The following GREM2 variants were observed in gnomAD, a reference collection of about 807,000 sequenced individuals.
GREM2 encodes gremlin-2.
GREM2 carries 11 observed loss-of-function variants against 14.2 expected under a neutral mutation model. The observed-to-expected ratio is 0.78, with a 90% CI of 0.49 to 1.28. The LOEUF (loss-of-function observed/expected upper bound fraction) is 1.28, where lower values mean the gene tolerates loss of function less well. Among genes scored for constraint, GREM2 ranks in the 50% most tolerant of loss-of-function variants. GREM2 has a pLI of 0.00. For missense variants in GREM2, 210 were observed against 218.5 expected, an observed-to-expected ratio of 0.96 and a Z score of 0.24; for synonymous variants, 98 against 97.6, an observed-to-expected ratio of 1.00 and a Z score of -0.02.
At position 240,512,532 on chromosome 1, in the gene GREM2, T is replaced by C. The variant is rs1677857256; in HGVS notation, c.-1-19056A>G. ...ACACATGAGCTTTCTGTCGCAGAAC[T>C]TATAAGCAGAGGACTTTATTGAAAA... On this transcript the variant is annotated intron_variant, in intron 1 of 1. Coordinates refer to ENST00000318160, the MANE Select transcript of GREM2 (RefSeq NM_022469.4). 9.8e-5 allele frequency among the ~76,000 whole-genome samples: 3 copies of C among 30,630 alleles called. No homozygotes were observed. In the South Asian group the frequency reaches 2.5e-3, roughly 25 times the overall value. 20.1% of individuals were successfully genotyped at this position (30,630 alleles called of 152,430 possible). A position where few individuals can be genotyped will look rare whatever the true frequency, so the allele number is the denominator to read the frequency against.
intron 1 of GREM2, among the ~76,000 whole-genome samples, chr1:240,561,562 T>A (rs1572399334): frequency 6.6e-6 from 1 of 152,272 alleles, no homozygotes; most frequent in East Asian, 1.9e-4. Context: ...CTTTTAAGAA[T>A]AATAAAATTA....
intron 1 of GREM2, among the ~76,000 whole-genome samples, chr1:240,525,976 G>A (rs540284961): frequency 7.5e-4 from 114 of 152,250 alleles, no homozygotes; most frequent in Admixed American, 2.2e-3. Flanking sequence ...AGCCAGCAAC[G>A]TTGCATTTCT....
At chr1:240,528,083 G>T (rs1204815693) in intron 1 of GREM2, among the ~76,000 whole-genome samples, 2 of 152,154 alleles carry the variant, frequency 1.3e-5, no homozygotes, top group Non-Finnish European at 2.9e-5. Context: ...GCACTGTGCT[G>T]ACATCTTGAC....
Position 240,492,021 on chromosome 1 carries a change from T to C in GREM2, c.*948A>G, listed in dbSNP as rs1677263829. On this transcript the variant is annotated 3_prime_UTR_variant, in exon 2 of 2. Coordinates refer to ENST00000318160, the MANE Select transcript of GREM2 (RefSeq NM_022469.4). ...GAATTGCTGACCAGGCATTTTTTTT[T>C]CTGAGTAAGACACCTTCTGGGCCTG... 1 of 181,542 alleles carries C rather than the reference T, an allele frequency of 5.5e-6. No homozygotes were observed. Among genetic ancestry groups the C allele is most frequent in the Admixed American group, 5.5e-5 (1 of 18,030 alleles). 11.2% of individuals were successfully genotyped at this position (181,542 alleles called of 1,614,324 possible).
chr1:240,527,612 GA>G (rs1678252860), intron 1 of GREM2, among the ~76,000 whole-genome samples: 1 of 152,182 alleles, frequency 6.6e-6, no homozygotes, highest in Non-Finnish European at 1.5e-5. Flanking sequence ...AGGTGAGACA[GA>G]AAAGGAAGAA....
chr1:240,587,901 C>T lies in GREM2; in HGVS notation c.-2+23983G>A, dbSNP rs558619859. Among the ~76,000 whole-genome samples, 9 of 152,260 alleles carry T rather than the reference C, an allele frequency of 5.9e-5. No individual in the cohort carries two copies. The South Asian group carries it at 1.9e-3, about 32-fold the overall frequency. ...CCTGTTAGGGCAGATGTTTTCTGAACTCTGCCCTATTCCCTCCAGTCCCTT... is the reference window on the plus strand; with the variant it reads ...CCTGTTAGGGCAGATGTTTTCTGAATTCTGCCCTATTCCCTCCAGTCCCTT... On this transcript the variant is annotated intron_variant, in intron 1 of 1. Transcript: ENST00000318160.
chr1:240,507,145 TC>T (rs1332394145), intron 1 of GREM2, among the ~76,000 whole-genome samples: 8 of 152,300 alleles, frequency 5.3e-5, no homozygotes, highest in Non-Finnish European at 1.2e-4. Flanking sequence ...AGAAAATTGC[TC>T]TCCAGCGATG....
At chr1:240,585,001 A>G (rs188820383) in intron 1 of GREM2, among the ~76,000 whole-genome samples, 2 of 152,222 alleles carry the variant, frequency 1.3e-5, no homozygotes, top group East Asian at 3.9e-4. Flanking sequence ...GGGGAAAAAA[A>G]GTAGTTTACT....
chr1:240,531,014 C>T (rs1011519012), intron 1 of GREM2, among the ~76,000 whole-genome samples: 1 of 152,162 alleles, frequency 6.6e-6, no homozygotes. Context: ...ATTTAGAAGC[C>T]TGTGTTATTA....
At chr1:240,602,764 G>A (rs1679951047) in intron 1 of GREM2, among the ~76,000 whole-genome samples, 1 of 151,776 alleles carries the variant, frequency 6.6e-6, no homozygotes. Flanking sequence ...GCAGTGATCT[G>A]AGATCCCGCC....
At chr1:240,525,582 G>A (rs896676459) in intron 1 of GREM2, among the ~76,000 whole-genome samples, 21 of 151,918 alleles carry the variant, frequency 1.4e-4, no homozygotes, top group Non-Finnish European at 2.5e-4. Context: ...GGGTTCAAGC[G>A]ACTTTGGTGC....
chr1:240,561,121 G>A (rs924503998), intron 1 of GREM2, among the ~76,000 whole-genome samples: 4 of 152,110 alleles, frequency 2.6e-5, no homozygotes, highest in Admixed American at 1.3e-4. Context: ...CTAGAGTGTG[G>A]AAATTTTTTT....
intron 1 of GREM2, among the ~76,000 whole-genome samples, chr1:240,596,082 TA>T (rs1679814379): frequency 6.6e-6 from 1 of 152,180 alleles, no homozygotes; most frequent in Non-Finnish European, 1.5e-5. Flanking sequence ...ATACTCCAAA[TA>T]AGTGTTCTGC....
intron 1 of GREM2, among the ~76,000 whole-genome samples, chr1:240,592,107 A>G (rs1679727011): frequency 6.6e-6 from 1 of 152,222 alleles, no homozygotes; most frequent in Non-Finnish European, 1.5e-5. Flanking sequence ...GGAACCAAAA[A>G]TACATTTAAC....
chr1:240,606,548 GTCT>G (rs1369944039), intron 1 of GREM2, among the ~76,000 whole-genome samples: 1 of 152,024 alleles, frequency 6.6e-6, no homozygotes, highest in Non-Finnish European at 1.5e-5. Context: ...TACCTTAACT[GTCT>G]TCTTCACTAT....
chr1:240,546,228 C>T (rs1022483036), intron 1 of GREM2, among the ~76,000 whole-genome samples: 3 of 151,878 alleles, frequency 2.0e-5, no homozygotes, highest in African/African-American at 7.3e-5. Flanking sequence ...AATCCCAGAT[C>T]CTTGGAAGGC....
chr1:240,520,104 A>AAATAAAATAAAATAAAAT (rs1678049339), intron 1 of GREM2, among the ~76,000 whole-genome samples: 1 of 152,052 alleles, frequency 6.6e-6, no homozygotes, highest in Admixed American at 6.6e-5. Context: ...AAATAAAATA[A>AAATAAAATAAAATAAAAT]AATAAAATAA....
chr1:240,594,508 G>A lies in GREM2; in HGVS notation c.-2+17376C>T, dbSNP rs114117704. On this transcript the variant is annotated intron_variant, in intron 1 of 1. Transcript: ENST00000318160. ...GGACTGAGAAACTCAACCATTTGGA[G>A]TAGTGGGATAACCTTACATGGGTAG... is the stretch of plus-strand genomic sequence containing the variant. 3.7e-3 allele frequency among the ~76,000 whole-genome samples: 565 copies of A among 152,298 alleles called. 2 individuals carry two copies. Among genetic ancestry groups the A allele is most frequent in the Non-Finnish European group, 6.1e-3 (417 of 68,034 alleles).
chr1:240,609,222 A>G (rs1244327978), intron 1 of GREM2, among the ~76,000 whole-genome samples: 1 of 152,000 alleles, frequency 6.6e-6, no homozygotes, highest in Non-Finnish European at 1.5e-5. Context: ...TCCCCTTAAC[A>G]TCCATGTGGC....
Sources: gnomAD v4.1 joint callset for allele counts (sites outside exome capture counted in the v4.1 genomes callset) on GRCh38, gnomAD v4.1.1 for gene constraint, MANE v1.5 for transcripts, NCBI Gene and HGNC (gene_info 2026-07-23, HGNC 2026-07-21) for gene names.